The following PRKG1 variants were observed in gnomAD, a reference collection of about 807,000 sequenced individuals.
PRKG1 encodes cGMP-dependent protein kinase 1.
Under a neutral mutation model 88.1 loss-of-function variants are expected in PRKG1, and 35 were observed. The ratio of observed to expected loss-of-function variants is 0.40; its 90% CI spans 0.30 to 0.53. The LOEUF is 0.53. Ranked by LOEUF, PRKG1 falls within the 20% of genes least tolerant of loss-of-function variation. PRKG1 has a pLI of 0.59. For missense variants in PRKG1, 540 were observed against 839.8 expected, an observed-to-expected ratio of 0.64 and a Z score of 4.41; for synonymous variants, 303 against 292.5, an observed-to-expected ratio of 1.04 and a Z score of -0.37.
At position 51,788,673 on chromosome 10, in the gene PRKG1, A is replaced by G. The variant is rs746394901; in HGVS notation, c.593-15912A>G. ...CTTTCTTAACGGGACCTAGATAGAA[A>G]CATTGTTTTCATATTTAGTGAGAAC... On this transcript the variant is annotated intron_variant, in intron 3 of 17. Coordinates refer to ENST00000373980, the MANE Select transcript of PRKG1 (RefSeq NM_006258.4). 1.0e-3 allele frequency among the ~76,000 whole-genome samples: 152 copies of G among 152,316 alleles called. 2 individuals are homozygous for G. The Middle Eastern group carries it at 0.017, about 17-fold the overall frequency.
intron 9 of PRKG1, among the ~76,000 whole-genome samples, chr10:52,238,456 A>G (rs1270121442): frequency 6.6e-6 from 1 of 151,872 alleles, no homozygotes; most frequent in African/African-American, 2.4e-5. Flanking sequence ...TCTACAGTGA[A>G]CTCAAACAAA....
intron 3 of PRKG1, among the ~76,000 whole-genome samples, chr10:51,505,110 G>T (rs1841155800): frequency 6.6e-6 from 1 of 152,102 alleles, no homozygotes; most frequent in Non-Finnish European, 1.5e-5. Context: ...CTGTGGGTTT[G>T]TCATAGATAG....
At chr10:52,128,743 T>C (rs1177905600) in intron 7 of PRKG1, among the ~76,000 whole-genome samples, 1 of 152,182 alleles carries the variant, frequency 6.6e-6, no homozygotes, top group African/African-American at 2.4e-5. Context: ...TGCCAAACAG[T>C]AGCTACTTTT....
intron 3 of PRKG1, among the ~76,000 whole-genome samples, chr10:51,469,395 C>G (rs1839987879): frequency 6.6e-6 from 1 of 151,690 alleles, no homozygotes; most frequent in African/African-American, 2.4e-5. Flanking sequence ...CAAAAGCCAA[C>G]AGTTGGTAAT....
At chr10:51,693,511 C>T (rs370163405) in intron 3 of PRKG1, among the ~76,000 whole-genome samples, 1 of 151,918 alleles carries the variant, frequency 6.6e-6, no homozygotes, top group South Asian at 2.1e-4. Flanking sequence ...AAGTGCTTCT[C>T]GTGCCTCAGA....
At chr10:51,306,791 C>A (rs558091744) in intron 2 of PRKG1, 1 of 152,178 alleles carries the variant, frequency 6.6e-6, no homozygotes, top group Non-Finnish European at 1.5e-5. Flanking sequence ...AGTTCATTTA[C>A]TTACATTGCC....
chr10:52,280,408 A>G lies in PRKG1; in HGVS notation c.1404-381A>G, dbSNP rs901570310. ...CCATAAACTTCTCCTTTAAAAAACA[A>G]ATGCTTGGTAGGCAAGCTCTAAAAT... On this transcript the variant is annotated intron_variant, in intron 12 of 17. Transcript: ENST00000373980. Among the ~76,000 whole-genome samples, 36 of 152,156 alleles carry G rather than the reference A, an allele frequency of 2.4e-4. 2 individuals are homozygous for G. The highest frequency in any genetic ancestry group is 6.3e-3 in the Middle Eastern group (2 of 316).
At chr10:51,204,367 CGTGTGTGTGTGT>C (rs34624885) in intron 2 of PRKG1, among the ~76,000 whole-genome samples, 9 of 145,862 alleles carry the variant, frequency 6.2e-5, no homozygotes, top group African/African-American at 7.6e-5. Context: ...AGTAGACCTC[CGTGTGTGTGTGT>C]GTGTGTGTGT....
intron 2 of PRKG1, among the ~76,000 whole-genome samples, chr10:51,275,492 C>A (rs1840091211): frequency 6.6e-6 from 1 of 152,008 alleles, no homozygotes. Flanking sequence ...GAGTTGGGTG[C>A]AAAGGGAGTG....
At chr10:51,287,210 T>A (rs1427594347) in intron 2 of PRKG1, among the ~76,000 whole-genome samples, 2 of 152,156 alleles carry the variant, frequency 1.3e-5, no homozygotes, top group East Asian at 1.9e-4. Context: ...CTTTACAAGG[T>A]CTGGATTCCA....
At chr10:51,710,126 ATTAGCCTTTCTC>A (rs1841707506) in intron 3 of PRKG1, among the ~76,000 whole-genome samples, 1 of 152,152 alleles carries the variant, frequency 6.6e-6, no homozygotes, top group African/African-American at 2.4e-5. Flanking sequence ...AAACTTTATC[ATTAGCCTTTCTC>A]TTGAACTTAC....
chr10:51,933,835 C>A (rs954845119), intron 5 of PRKG1, among the ~76,000 whole-genome samples: 1 of 152,068 alleles, frequency 6.6e-6, no homozygotes, highest in African/African-American at 2.4e-5. Context: ...GCTTTCAGTA[C>A]AGCAGTAAGA....
rs185224370 is a variant in PRKG1 at position 52,044,060 on chromosome 10, G to A, written c.763-10424G>A. Among the ~76,000 whole-genome samples the A allele has an allele frequency of 1.2e-3, 185 of 152,148 alleles. 1 individual carries two copies. Among genetic ancestry groups the A allele is most frequent in the African/African-American group, 4.3e-3 (179 of 41,546 alleles). ...TCTTTGAATCATAAACTCTGAAGGTGTTCAAGAGGCTTAAAAGATAATGAT... is the reference window on the plus strand; with the variant it reads ...TCTTTGAATCATAAACTCTGAAGGTATTCAAGAGGCTTAAAAGATAATGAT... On this transcript the variant is annotated intron_variant, in intron 5 of 17. Coordinates refer to ENST00000373980, the MANE Select transcript of PRKG1 (RefSeq NM_006258.4).
intron 4 of PRKG1, among the ~76,000 whole-genome samples, chr10:51,899,372 A>C (rs1489421832): frequency 6.6e-6 from 1 of 152,024 alleles, no homozygotes; most frequent in Admixed American, 6.6e-5. Flanking sequence ...AAATCAAAAA[A>C]AAATAAAATA....
intron 2 of PRKG1, among the ~76,000 whole-genome samples, chr10:51,440,634 A>C (rs975046828): frequency 5.9e-5 from 9 of 151,992 alleles, no homozygotes; most frequent in Non-Finnish European, 1.0e-4. Flanking sequence ...TCAACATCTG[A>C]ACTAGAGTTT....
intron 1 of PRKG1, among the ~76,000 whole-genome samples, chr10:51,129,540 T>C (rs1055774704): frequency 6.6e-6 from 1 of 152,148 alleles, no homozygotes; most frequent in South Asian, 2.1e-4. Context: ...AAGTCTAATT[T>C]GTGGACAAAA....
At chr10:51,506,975 A>G (rs937904079) in intron 3 of PRKG1, among the ~76,000 whole-genome samples, 1 of 152,228 alleles carries the variant, frequency 6.6e-6, no homozygotes, top group Non-Finnish European at 1.5e-5. Flanking sequence ...GCAGCCATAA[A>G]AAAGGATTAG....
chr10:51,607,274 T>C (rs1258982951), intron 3 of PRKG1, among the ~76,000 whole-genome samples: 1 of 152,240 alleles, frequency 6.6e-6, no homozygotes, highest in East Asian at 1.9e-4. Flanking sequence ...TTTTTTACCG[T>C]CCTTAGTAAG....
intron 7 of PRKG1, among the ~76,000 whole-genome samples, chr10:52,067,408 A>T (rs1402034108): frequency 6.6e-6 from 1 of 152,182 alleles, no homozygotes; most frequent in Admixed American, 6.5e-5. Flanking sequence ...CATTCTTTTT[A>T]AATTTGAGAG....
Sources: gnomAD v4.1 joint callset for allele counts (sites outside exome capture counted in the v4.1 genomes callset) on GRCh38, gnomAD v4.1.1 for gene constraint, MANE v1.5 for transcripts, NCBI Gene and HGNC (gene_info 2026-07-23, HGNC 2026-07-21) for gene names.